KTN1: variants seen among roughly 807,000 people sequenced by gnomAD.
The protein encoded by KTN1 is kinectin 1.
In KTN1, 130 loss-of-function variants were observed where a neutral mutation model predicts 222.5. The observed-to-expected ratio is 0.58, with a 90% CI of 0.51 to 0.68. The LOEUF is 0.68. Ranked by LOEUF, KTN1 falls within the 30% of genes least tolerant of loss-of-function variation. The pLI is 0.00. For missense variants in KTN1, 1,508 were observed against 1,500.4 expected, an observed-to-expected ratio of 1.01 and a Z score of -0.08; for synonymous variants, 512 against 496.3, an observed-to-expected ratio of 1.03 and a Z score of -0.42.
chr14:55,583,278 C>G lies in KTN1; in HGVS notation c.-31+2924C>G, dbSNP rs189814492. Among the ~76,000 whole-genome samples the G allele has an allele frequency of 1.4e-3, 217 of 151,828 alleles. No individual in the cohort carries two copies. In the South Asian group the frequency reaches 0.023, roughly 16 times the overall value. ...TGGCAGTGAAAACTAGGCTATTTTTCTTTTTTAAAAAATGGTACAAGCTTT... is the reference window on the plus strand; with the variant it reads ...TGGCAGTGAAAACTAGGCTATTTTTGTTTTTTAAAAAATGGTACAAGCTTT... On this transcript the variant is annotated intron_variant, in intron 1 of 43. Transcript: ENST00000395314.
intron 1 of KTN1, among the ~76,000 whole-genome samples, chr14:55,599,875 T>C (rs911429640): frequency 2.6e-5 from 4 of 152,144 alleles, no homozygotes; most frequent in African/African-American, 7.2e-5. Flanking sequence ...TTTTCTCTTT[T>C]GTGTCAATAC....
At chr14:55,642,102 A>T (rs2041864206) in intron 18 of KTN1, among the ~76,000 whole-genome samples, 2 of 152,210 alleles carry the variant, frequency 1.3e-5, no homozygotes, top group African/African-American at 2.4e-5. Flanking sequence ...GTGTCTTTAA[A>T]GGTTGAAACT....
chr14:55,661,783 GTT>G lies in KTN1; in HGVS notation c.3090+178_3090+179del, dbSNP rs537312946. The G allele has an allele frequency of 6.0e-3, 2,395 of 397,014 alleles. 19 individuals are homozygous for G. The highest frequency in any genetic ancestry group is 0.012 in the Middle Eastern group (19 of 1,532). 24.6% of individuals were successfully genotyped at this position (397,014 alleles called of 1,614,324 possible). A position where few individuals can be genotyped will look rare whatever the true frequency, so the allele number is the denominator to read the frequency against. Reference sequence around the variant, plus strand: ...GGGGGCGGGGCATTATTGGAGAACAGTTTTTTTTAAATAAGTGAAAAGATGAA... The same window carrying G: ...GGGGGCGGGGCATTATTGGAGAACAGTTTTTTAAATAAGTGAAAAGATGAA... On this transcript the variant is annotated intron_variant, in intron 32 of 43. Transcript: ENST00000395314.
intron 6 of KTN1, among the ~76,000 whole-genome samples, chr14:55,628,979 A>G (rs1030407679): frequency 4.6e-5 from 7 of 152,214 alleles, no homozygotes; most frequent in African/African-American, 1.4e-4. Flanking sequence ...TTGTCATACA[A>G]TTGCTTTAGA....
intron 5 of KTN1, among the ~76,000 whole-genome samples, chr14:55,619,637 G>A (rs1050952345): frequency 6.6e-6 from 1 of 152,088 alleles, no homozygotes; most frequent in Admixed American, 6.5e-5. Flanking sequence ...AGAATCAAGC[G>A]AAAGGGGTTT....
chr14:55,673,274 A>C lies in KTN1; in HGVS notation c.3771+19A>C. ...AAATTTGGTAAGAAGCTTGTCCTCC[A>C]CTGGGTATCAAGTAGGCACTGAAAA... On this transcript the variant is annotated intron_variant, in intron 40 of 43. Transcript: ENST00000395314. 2 of 1,528,080 alleles carry C rather than the reference A, an allele frequency of 1.3e-6. No homozygotes were observed. Among genetic ancestry groups the C allele is most frequent in the Non-Finnish European group, 1.8e-6 (2 of 1,102,608 alleles). The allele number at this position is 1,528,080 out of a possible 1,614,324, so 94.7% of individuals were successfully genotyped here.
intron 5 of KTN1, among the ~76,000 whole-genome samples, chr14:55,620,617 C>T (rs968460492): frequency 2.0e-5 from 3 of 152,226 alleles, no homozygotes; most frequent in Non-Finnish European, 4.4e-5. Context: ...CTTGTACCCT[C>T]TGAAGCCATG....
chr14:55,603,532 G>C (rs2036283230), intron 1 of KTN1, among the ~76,000 whole-genome samples: 1 of 152,116 alleles, frequency 6.6e-6, no homozygotes, highest in African/African-American at 2.4e-5. Flanking sequence ...CAAACTCCTA[G>C]TTTTCTTTAT....
chr14:55,594,878 G>A (rs1365587559), intron 1 of KTN1, among the ~76,000 whole-genome samples: 1 of 152,194 alleles, frequency 6.6e-6, no homozygotes, highest in African/African-American at 2.4e-5. Context: ...AGTGTAGTTG[G>A]TAGAGTGTCA....
At chr14:55,670,676 T>G (rs962423293) in intron 34 of KTN1, 53 bp from the exon 35 acceptor site, 3 of 1,298,652 alleles carry the variant, frequency 2.3e-6, no homozygotes, top group African/African-American at 3.0e-5. Flanking sequence ...CCTGTTTTAT[T>G]TGGATTTTTT....
chr14:55,581,587 G>T, intron 1 of KTN1, among the ~76,000 whole-genome samples: 1 of 152,148 alleles, frequency 6.6e-6, no homozygotes, highest in East Asian at 1.9e-4. Flanking sequence ...CTCATGGCCA[G>T]CCCAGCTAAA....
chr14:55,631,810 A>G (rs1331719289), intron 7 of KTN1, among the ~76,000 whole-genome samples: 2 of 151,950 alleles, frequency 1.3e-5, no homozygotes, highest in Non-Finnish European at 2.9e-5. Flanking sequence ...CTTTATTTCT[A>G]GTTACTCTTG....
At chr14:55,625,113 C>T (rs955588656) in intron 5 of KTN1, among the ~76,000 whole-genome samples, 2 of 152,068 alleles carry the variant, frequency 1.3e-5, no homozygotes, top group African/African-American at 4.8e-5. Flanking sequence ...GTCAGACTTC[C>T]CAAATTCCAG....
chr14:55,663,918 T>C, intron 32 of KTN1, 37 bp from the exon 33 acceptor site: 1 of 1,502,688 alleles, frequency 6.7e-7, no homozygotes, highest in Non-Finnish European at 9.2e-7. Flanking sequence ...CTTTCAATAA[T>C]GGATAAACTG....
In KTN1 at chr14:55,612,236, A is replaced by G. The variant is rs1013999939; in HGVS notation, c.188A>G (p.Lys63Arg). The G allele has an allele frequency of 1.2e-5, 19 of 1,585,784 alleles. No individual in the cohort carries two copies. In the South Asian group the frequency reaches 1.7e-4, roughly 14 times the overall value. Residue 63 changes from lysine (K) to arginine (R), a missense_variant, in exon 2 of 44, where the codon AAA becomes AGA. Physicochemically the swap from Lys to Arg is conservative, Grantham distance 26. Transcript: ENST00000395314. ...AAGAAAGCAGAAAAGAAAAAGAATA[A>G]AAAGAAAGAAATCCAGAATGGAAAC... ...DKKKAEKKKN[K>R]KKEIQNGNLH...
Position 55,648,057 on chromosome 14 carries a change from T to C in KTN1, c.2240T>C (p.Val747Ala), listed in dbSNP as rs752735536. ...GAAAAAGATGAGAAGTTAAAGACTGTGGAAGAATTACTTGAAACTGGACTT... is the reference window on the plus strand; with the variant it reads ...GAAAAAGATGAGAAGTTAAAGACTGCGGAAGAATTACTTGAAACTGGACTT... ...IQEKDEKLKT[V>A]EELLETGLIQ... The change falls in exon 20 of 44, where the codon GTG (valine) becomes GCG (alanine). Residue 747 changes from valine (V) to alanine (A), a missense_variant. Val to Ala is a moderately conservative substitution (Grantham distance 64). Transcript: ENST00000395314. 2 of 1,560,570 alleles carry C rather than the reference T, an allele frequency of 1.3e-6. No homozygotes were observed. The highest frequency in any genetic ancestry group is 2.4e-5 in the South Asian group (2 of 82,662).
chr14:55,605,449 A>G (rs2036589133), intron 1 of KTN1, among the ~76,000 whole-genome samples: 1 of 152,066 alleles, frequency 6.6e-6, no homozygotes, highest in African/African-American at 2.4e-5. Flanking sequence ...TAAAAACCTT[A>G]AGGAGCCTGG....
At chr14:55,589,816 G>A (rs1394117863) in intron 1 of KTN1, among the ~76,000 whole-genome samples, 1 of 151,670 alleles carries the variant, frequency 6.6e-6, no homozygotes, top group South Asian at 2.1e-4. Context: ...GCATCACCAC[G>A]CCCAGCTAAT....
At position 55,672,516 on chromosome 14, in the gene KTN1, T is replaced by A. The variant is rs538487697; in HGVS notation, c.3532-114T>A. On this transcript the variant is annotated intron_variant, in intron 37 of 43. Transcript: ENST00000395314. Reference sequence around the variant, plus strand: ...TCTTTTAAAATTCATCTCTTTTAAATGAGATGCATTTCAAAACCTTGGAAG... The same window carrying A: ...TCTTTTAAAATTCATCTCTTTTAAAAGAGATGCATTTCAAAACCTTGGAAG... The A allele has an allele frequency of 4.8e-6, 3 of 622,644 alleles. No individual in the cohort carries two copies. In the South Asian group the frequency reaches 6.5e-5, roughly 14 times the overall value. The allele number at this position is 622,644 out of a possible 1,614,324, so 38.6% of individuals were successfully genotyped here.
Sources: gnomAD v4.1 joint callset for allele counts (sites outside exome capture counted in the v4.1 genomes callset) on GRCh38, gnomAD v4.1.1 for gene constraint, MANE v1.5 for transcripts, NCBI Gene and HGNC (gene_info 2026-07-23, HGNC 2026-07-21) for gene names.